ZNF300: variants seen among roughly 807,000 people sequenced by gnomAD.
The protein encoded by ZNF300 is zinc finger protein 300.
ZNF300 carries 6 observed loss-of-function variants against 13.9 expected under a neutral mutation model. That is an observed-to-expected ratio of 0.43 (90% CI 0.24 to 0.85). ZNF300 has a LOEUF of 0.85. Ranked by LOEUF, ZNF300 falls within the 40% of genes least tolerant of loss-of-function variation. The probability of loss-of-function intolerance (pLI) is 0.25; values close to 1 mark genes in which losing one functional copy is unlikely to be tolerated. For missense variants in ZNF300, 662 were observed against 714.2 expected (o/e 0.93, Z 0.83); for synonymous variants, 237 against 242.2 (o/e 0.98, Z 0.20).
intron 3 of ZNF300, among the ~76,000 whole-genome samples, 199 bp from the exon 4 acceptor site, chr5:150,898,753 G>A (rs1239964349): frequency 1.3e-5 from 2 of 151,946 alleles, no homozygotes; most frequent in Non-Finnish European, 2.9e-5. Flanking sequence ...AATACATATA[G>A]TAATTTCATA....
intron 2 of ZNF300, 65 bp from the exon 3 acceptor site, chr5:150,903,247 AT>A: frequency 6.2e-7 from 1 of 1,612,320 alleles, no homozygotes; most frequent in Non-Finnish European, 8.5e-7. Flanking sequence ...CAGCTTTCAC[AT>A]TCACCAATCT....
chr5:150,903,126 T>C lies in ZNF300; in HGVS notation c.15+15A>G. ...ACCAAAGAAGAATTTTTTTTTTTTTTAAAAAGCAACTCACCTGGGACTTCA... is the reference window on the plus strand; with the variant it reads ...ACCAAAGAAGAATTTTTTTTTTTTTCAAAAAGCAACTCACCTGGGACTTCA... On this transcript the variant is annotated intron_variant, in intron 3 of 5. Transcript: ENST00000274599. 1 of 1,588,182 alleles carries C rather than the reference T, an allele frequency of 6.3e-7. No individual in the cohort carries two copies. Among genetic ancestry groups the C allele is most frequent in the Non-Finnish European group, 8.6e-7 (1 of 1,168,626 alleles).
chr5:150,895,987 A>C lies in ZNF300; in HGVS notation c.1252T>G (p.Phe418Val), dbSNP rs1754754289. The C allele has an allele frequency of 3.7e-6, 6 of 1,613,526 alleles. No individual in the cohort carries two copies. The highest frequency in any genetic ancestry group is 5.1e-6 in the Non-Finnish European group (6 of 1,179,802). ...PYECTECGKA[F>V]CEKSHLIIHK... The stretch of plus-strand genomic sequence containing the variant: ...ATAATGAGGTGGGACTTCTCACAGA[A>C]GGCTTTCCCACATTCGGTACACTCA... Residue 418 changes from phenylalanine (F) to valine (V), a missense_variant, in exon 6 of 6, where the codon TTC becomes GTC. Coordinates refer to ENST00000274599, the MANE Select transcript of ZNF300 (RefSeq NM_052860.4).
In ZNF300 at chr5:150,903,126, T is replaced by A. The variant is rs575678297; in HGVS notation, c.15+15A>T. 193 of 1,587,936 alleles carry A rather than the reference T, an allele frequency of 1.2e-4. No homozygotes were observed. The highest frequency in any genetic ancestry group is 9.3e-4 in the African/African-American group (68 of 72,966). ...ACCAAAGAAGAATTTTTTTTTTTTT[T>A]AAAAAGCAACTCACCTGGGACTTCA... On this transcript the variant is annotated intron_variant, in intron 3 of 5. Coordinates refer to ENST00000274599, the MANE Select transcript of ZNF300 (RefSeq NM_052860.4).
At chr5:150,904,144 G>C (rs1755072402) in intron 1 of ZNF300, among the ~76,000 whole-genome samples, 167 bp from the exon 2 acceptor site, 1 of 151,854 alleles carries the variant, frequency 6.6e-6, no homozygotes, top group East Asian at 2.0e-4. Flanking sequence ...GTTTGGTCTT[G>C]TTTTAAAATG....
chr5:150,900,814 A>G (rs1268840486), intron 3 of ZNF300: 2 of 152,150 alleles, frequency 1.3e-5, no homozygotes, highest in Non-Finnish European at 2.9e-5. Context: ...TGGAATACAG[A>G]GGAAATCCAT....
chr5:150,898,796 G>A (rs1340014348), intron 3 of ZNF300, among the ~76,000 whole-genome samples: 1 of 151,980 alleles, frequency 6.6e-6, no homozygotes, highest in Non-Finnish European at 1.5e-5. Context: ...TAACTGGGAG[G>A]AAGATGGATT....
chr5:150,900,901 A>T (rs76125741), intron 3 of ZNF300, among the ~76,000 whole-genome samples: 5,877 of 152,166 alleles, frequency 0.039, 180 homozygotes, highest in East Asian at 0.16. Flanking sequence ...AATGCTTCAA[A>T]ATAATAAGTA....
chr5:150,895,658 C>T lies in ZNF300; in HGVS notation c.1581G>A (p.Gly527=), dbSNP rs1754732173. 6.2e-7 allele frequency: 1 copy of T among 1,613,038 alleles called. No individual in the cohort carries two copies. Among genetic ancestry groups the T allele is most frequent in the Non-Finnish European group, 8.5e-7 (1 of 1,179,510 alleles). ...GGTGGGACTTCTGAGAGAAGGCTTT[C>T]CCACATTCAGTACATATATAAGGTT... The part of the protein sequence containing the change: ...GEKPYICTEC[G]KAFSQKSHLP... Residue 527 remains glycine, a synonymous_variant, in exon 6 of 6, where the codon GGG becomes GGA. Coordinates refer to ENST00000274599, the MANE Select transcript of ZNF300 (RefSeq NM_052860.4).
In ZNF300 at chr5:150,904,783, C is replaced by T. The variant is rs1243070953; in HGVS notation, c.-221G>A. The T allele has an allele frequency of 6.5e-6, 1 of 153,220 alleles. No individual in the cohort carries two copies. Among genetic ancestry groups the T allele is most frequent in the African/African-American group, 2.4e-5 (1 of 41,468 alleles). 9.5% of individuals were successfully genotyped at this position (153,220 alleles called of 1,614,324 possible). ...ACCACCATCACCGCTTAATGGGAAC[C>T]GCTGTCACATCCCTATTGGCAAACT... On this transcript the variant is annotated 5_prime_UTR_variant, in exon 1 of 6. Transcript: ENST00000274599.
At chr5:150,903,236 G>A in intron 2 of ZNF300, 54 bp from the exon 3 acceptor site, 1 of 1,612,086 alleles carries the variant, frequency 6.2e-7, no homozygotes, top group Non-Finnish European at 8.5e-7. Flanking sequence ...AACCCAGACT[G>A]CAGCTTTCAC....
intron 2 of ZNF300, 193 bp from the exon 3 acceptor site, chr5:150,903,375 C>T (rs1255469894): frequency 6.5e-7 from 1 of 1,543,722 alleles, no homozygotes; most frequent in African/African-American, 1.4e-5. Context: ...TTCTTTACTC[C>T]TCTTGTACCT....
Position 150,896,884 on chromosome 5 carries a change from C to T in ZNF300, c.355G>A (p.Gly119Ser), listed in dbSNP as rs146141576. 4.8e-4 allele frequency: 769 copies of T among 1,613,546 alleles called. 7 individuals carry two copies. The African/African-American group carries it at 9.0e-3, about 19-fold the overall frequency. Residue 119 changes from glycine (G) to serine (S), a missense_variant, in exon 6 of 6, where the codon GGT becomes AGT. Physicochemically the swap from Gly to Ser is moderately conservative, Grantham distance 56. Transcript: ENST00000274599. ...ACTTTTAAAATGGAGCACAATGAAC[C>T]ATCCCTTGTGACTCCTTTCAGTATC... is the stretch of plus-strand genomic sequence containing the variant. ...HKILKGVTRD[G>S]SLCSILKVCQ...
chr5:150,903,266 A>G (rs1755046008), intron 2 of ZNF300, 84 bp from the exon 3 acceptor site: 1 of 1,609,678 alleles, frequency 6.2e-7, no homozygotes. Context: ...TCTTGCAACA[A>G]CTAACATCAG....
intron 3 of ZNF300, among the ~76,000 whole-genome samples, chr5:150,902,088 T>C (rs916341294): frequency 2.6e-5 from 4 of 152,310 alleles, no homozygotes; most frequent in African/African-American, 9.6e-5. Context: ...CTGATTATCC[T>C]GGGAGAAGGT....
At position 150,898,465 on chromosome 5, in the gene ZNF300, A is replaced by T; in HGVS notation, c.105T>A (p.Asp35Glu). Residue 35 changes from aspartate (D) to glutamate (E), a missense_variant, in exon 4 of 6, where the codon GAT becomes GAA. Asp to Glu is a conservative substitution (Grantham distance 45, BLOSUM62 2). Transcript: ENST00000274599. Reference sequence around the variant, plus strand: ...GGTGGCTGTAGTTCTCCAGCATCACATCCCTGTACAGGGTCCTCTGAGAAG... The same window carrying T: ...GGTGGCTGTAGTTCTCCAGCATCACTTCCCTGTACAGGGTCCTCTGAGAAG... ...LDPSQRTLYR[D>E]VMLENYSHLV... 6.2e-7 allele frequency: 1 copy of T among 1,613,424 alleles called. No individual in the cohort carries two copies. The highest frequency in any genetic ancestry group is 8.5e-7 in the Non-Finnish European group (1 of 1,179,572).
At position 150,895,737 on chromosome 5, in the gene ZNF300, G is replaced by C. The variant is rs771726395; in HGVS notation, c.1502C>G (p.Ala501Gly). Residue 501 changes from alanine (A) to glycine (G), a missense_variant, in exon 6 of 6, where the codon GCC becomes GGC. Transcript: ENST00000274599. ...KPYKCSECGK[A>G]FCQKSHLIGH... ...AATGAGATGTGACTTCTGGCAGAAG[G>C]CTTTGCCACATTCACTACATTTATA... The C allele has an allele frequency of 6.2e-7, 1 of 1,613,582 alleles. No homozygotes were observed. The highest frequency in any genetic ancestry group is 8.5e-7 in the Non-Finnish European group (1 of 1,179,814).
At position 150,903,157 on chromosome 5, in the gene ZNF300, T is replaced by G; in HGVS notation, c.-2A>C. ...GCAACTCACCTGGGACTTCATCATT[T>G]TTTGCTCTTCCAAAAGGCCAGATGA... On this transcript the variant is annotated 5_prime_UTR_variant, in exon 3 of 6. Coordinates refer to ENST00000274599, the MANE Select transcript of ZNF300 (RefSeq NM_052860.4). 1.9e-6 allele frequency: 3 copies of G among 1,614,076 alleles called. No individual in the cohort carries two copies. Among genetic ancestry groups the G allele is most frequent in the Non-Finnish European group, 2.5e-6 (3 of 1,179,954 alleles).
chr5:150,902,371 A>G (rs2113033651), intron 3 of ZNF300, among the ~76,000 whole-genome samples: 1 of 152,300 alleles, frequency 6.6e-6, no homozygotes, highest in East Asian at 1.9e-4. Context: ...GTTTAGAAAA[A>G]CATTCAAAAT....
Sources: gnomAD v4.1 joint callset for allele counts (sites outside exome capture counted in the v4.1 genomes callset) on GRCh38, gnomAD v4.1.1 for gene constraint, MANE v1.5 for transcripts, NCBI Gene and HGNC (gene_info 2026-07-23, HGNC 2026-07-21) for gene names.